Variants in TRPC7 observed in about 807,000 individuals in gnomAD.
TRPC7 encodes short transient receptor potential channel 7.
In TRPC7, 42 loss-of-function variants were observed where a neutral mutation model predicts 90.1. That is an observed-to-expected ratio of 0.47 (90% CI 0.36 to 0.60). The LOEUF is 0.60. Among genes scored for constraint, TRPC7 ranks in the 20% least tolerant of loss-of-function variants. The pLI, the probability that TRPC7 is intolerant of heterozygous loss-of-function variation, is 0.00. For synonymous variants in TRPC7, 451 were observed against 436.3 expected, an observed-to-expected ratio of 1.03 and a Z score of -0.42; for missense variants, 955 against 1,112.3, an observed-to-expected ratio of 0.86 and a Z score of 2.01.
chr5:136,266,766 T>A lies in TRPC7; in HGVS notation c.1129-330A>T, dbSNP rs1757046220. On this transcript the variant is annotated intron_variant, in intron 4 of 11. Transcript: ENST00000513104. Reference sequence around the variant, plus strand: ...TGAAAAAATAATGTCTGCATAAAGTTCACAATTTTAAAAAATGCACTTTGA... The same window carrying A: ...TGAAAAAATAATGTCTGCATAAAGTACACAATTTTAAAAAATGCACTTTGA... 2.0e-5 allele frequency among the ~76,000 whole-genome samples: 3 copies of A among 152,216 alleles called. No homozygotes were observed. The South Asian group carries it at 6.2e-4, about 32-fold the overall frequency.
chr5:136,304,767 G>A (rs1455042312), intron 3 of TRPC7, among the ~76,000 whole-genome samples: 10 of 152,030 alleles, frequency 6.6e-5, no homozygotes, highest in Admixed American at 3.9e-4. Flanking sequence ...AAAAACACAC[G>A]TGCTCTCCCT....
intron 3 of TRPC7, among the ~76,000 whole-genome samples, chr5:136,276,135 C>A (rs1418583949): frequency 6.6e-6 from 1 of 151,952 alleles, no homozygotes; most frequent in Non-Finnish European, 1.5e-5. Flanking sequence ...TGGTAATAGG[C>A]AATATTTAAG....
rs1038716312 is a variant in TRPC7 at position 136,251,938 on chromosome 5, C to T, written c.1346-56G>A. 63 of 1,420,122 alleles carry T rather than the reference C, an allele frequency of 4.4e-5. 1 individual carries two copies. The highest frequency in any genetic ancestry group is 5.5e-5 in the Non-Finnish European group (55 of 1,007,892). The allele number at this position is 1,420,122 out of a possible 1,614,324, so 88.0% of individuals were successfully genotyped here. ...TTTCGTTTCTCTTGGCATTTGTGAC[C>T]GCATGAGGTCATGGAGGGAACCAGA... On this transcript the variant is annotated intron_variant, in intron 5 of 11. Transcript: ENST00000513104.
chr5:136,339,621 G>T (rs1317257403), intron 2 of TRPC7, among the ~76,000 whole-genome samples: 1 of 151,904 alleles, frequency 6.6e-6, no homozygotes, highest in African/African-American at 2.4e-5. Context: ...GACTCAAAAG[G>T]TCCTGTGTCC....
At chr5:136,269,927 C>T (rs1466192678) in intron 4 of TRPC7, among the ~76,000 whole-genome samples, 16 of 152,164 alleles carry the variant, frequency 1.1e-4, no homozygotes, top group African/African-American at 3.1e-4. Context: ...TATTTCTCCA[C>T]ACATTTCAAT....
At chr5:136,246,572 C>T (rs903574662) in intron 7 of TRPC7, among the ~76,000 whole-genome samples, 3 of 152,198 alleles carry the variant, frequency 2.0e-5, no homozygotes, top group African/African-American at 7.2e-5. Context: ...AGGGAGCTGC[C>T]TGGATTTGCT....
intron 11 of TRPC7, 25 bp downstream of exon 11, chr5:136,216,175 C>A: frequency 6.3e-7 from 1 of 1,595,268 alleles, no homozygotes; most frequent in Non-Finnish European, 8.6e-7. Context: ...TAAATCACCA[C>A]GTGGGTGGAA....
At chr5:136,221,615 G>A (rs909283405) in intron 10 of TRPC7, among the ~76,000 whole-genome samples, 2 of 152,196 alleles carry the variant, frequency 1.3e-5, no homozygotes, top group African/African-American at 2.4e-5. Flanking sequence ...AAGAAATGTG[G>A]TCACCTAGGA....
intron 2 of TRPC7, among the ~76,000 whole-genome samples, chr5:136,354,929 C>T (rs1760314147): frequency 6.6e-6 from 1 of 152,200 alleles, no homozygotes; most frequent in Non-Finnish European, 1.5e-5. Context: ...AAGGCCCAAC[C>T]CAATTACATC....
chr5:136,341,668 T>C (rs1387308550), intron 2 of TRPC7, among the ~76,000 whole-genome samples: 1 of 152,180 alleles, frequency 6.6e-6, no homozygotes, highest in East Asian at 1.9e-4. Flanking sequence ...GATTAAAAAA[T>C]TGAAAAGAAG....
At chr5:136,341,253 A>T (rs890319729) in intron 2 of TRPC7, among the ~76,000 whole-genome samples, 1 of 152,138 alleles carries the variant, frequency 6.6e-6, no homozygotes. Context: ...ATGATACATA[A>T]ATTACAGTGC....
At chr5:136,239,207 G>A (rs1756081582) in intron 7 of TRPC7, among the ~76,000 whole-genome samples, 2 of 152,140 alleles carry the variant, frequency 1.3e-5, no homozygotes, top group South Asian at 2.1e-4. Flanking sequence ...GGCTGGTCTC[G>A]AATTCCTGGG....
chr5:136,216,171 A>G, intron 11 of TRPC7, 29 bp downstream of exon 11: 1 of 1,587,556 alleles, frequency 6.3e-7, no homozygotes, highest in Non-Finnish European at 8.6e-7. Flanking sequence ...GTTTTAAATC[A>G]CCACGTGGGT....
intron 10 of TRPC7, among the ~76,000 whole-genome samples, chr5:136,218,110 G>T (rs1282642287): frequency 2.9e-4 from 40 of 140,084 alleles, no homozygotes; most frequent in African/African-American, 1.0e-3. Context: ...ATATATATTT[G>T]AGATATATTA....
intron 5 of TRPC7, among the ~76,000 whole-genome samples, chr5:136,256,437 G>C (rs1158335913): frequency 1.3e-5 from 2 of 152,070 alleles, no homozygotes; most frequent in African/African-American, 4.8e-5. Flanking sequence ...CCCCCATAGA[G>C]AGAGACTACT....
At chr5:136,245,021 C>T (rs1380863286) in intron 7 of TRPC7, among the ~76,000 whole-genome samples, 3 of 152,222 alleles carry the variant, frequency 2.0e-5, no homozygotes, top group Non-Finnish European at 4.4e-5. Flanking sequence ...CCAAGCATTG[C>T]ATTTGGTCGT....
In TRPC7 at chr5:136,344,267, A is replaced by C. The variant is rs868624755; in HGVS notation, c.780+12341T>G. Among the ~76,000 whole-genome samples the C allele has an allele frequency of 1.6e-4, 25 of 152,280 alleles. No homozygotes were observed. The Middle Eastern group carries it at 0.014, about 83-fold the overall frequency. On this transcript the variant is annotated intron_variant, in intron 2 of 11. Coordinates refer to ENST00000513104, the MANE Select transcript of TRPC7 (RefSeq NM_020389.3). ...AAGGGAACAACAGACGCTTGGGCCT[A>C]CTCAAGGATGAAGGCTGGAAGAGGG...
intron 10 of TRPC7, among the ~76,000 whole-genome samples, chr5:136,221,281 G>A (rs929323037): frequency 2.6e-5 from 4 of 152,074 alleles, no homozygotes; most frequent in Non-Finnish European, 5.9e-5. Context: ...GCAAATACTG[G>A]AGATGAGTAT....
chr5:136,325,582 C>T (rs1349426919), intron 2 of TRPC7, among the ~76,000 whole-genome samples: 2 of 152,112 alleles, frequency 1.3e-5, no homozygotes, highest in Admixed American at 6.5e-5. Flanking sequence ...AGTTCAGAAG[C>T]ATATATGAGG....
Sources: allele counts gnomAD v4.1 joint callset (sites outside exome capture counted in the v4.1 genomes callset), GRCh38; gene constraint gnomAD v4.1.1; transcripts MANE v1.5; gene names NCBI Gene and HGNC (gene_info 2026-07-23, HGNC 2026-07-21).